The following DTNA variants were observed in gnomAD, a reference collection of about 807,000 sequenced individuals.
DTNA encodes the protein dystrobrevin alpha, also known as dystrophin-related protein 3.
In DTNA, 43 loss-of-function variants were observed where a neutral mutation model predicts 100.7. That is an observed-to-expected ratio of 0.43 (90% confidence interval 0.33 to 0.55). The LOEUF (loss-of-function observed/expected upper bound fraction) is 0.55. Ranked by LOEUF, DTNA falls within the 20% of genes least tolerant of loss-of-function variation. The pLI, the probability that DTNA is intolerant of heterozygous loss-of-function variation, is 0.04. For synonymous variants in DTNA, 349 were observed against 347.9 expected (o/e 1.00, Z -0.04); for missense variants, 798 against 953.9 (o/e 0.84, Z 2.15).
intron 1 of DTNA, among the ~76,000 whole-genome samples, chr18:34,718,518 G>A (rs1429435232): frequency 6.6e-6 from 1 of 152,042 alleles, no homozygotes; most frequent in Non-Finnish European, 1.5e-5. Context: ...AGTATATCCA[G>A]GTTCATTTAT....
rs1219051913 is a variant in DTNA at position 34,811,848 on chromosome 18, A to T, written c.449-111A>T. On this transcript the variant is annotated intron_variant, in intron 5 of 22. Coordinates refer to ENST00000444659, the MANE Select transcript of DTNA (RefSeq NM_001386795.1). Reference sequence around the variant, plus strand: ...AAATTAGCTTTTATATTATTCTTTCATAAAAAATGTTTATTTTGCTACTTT... The same window carrying T: ...AAATTAGCTTTTATATTATTCTTTCTTAAAAAATGTTTATTTTGCTACTTT... 3.2e-6 allele frequency: 4 copies of T among 1,261,502 alleles called. No homozygotes were observed. The African/African-American group carries it at 6.0e-5, about 19-fold the overall frequency. The allele number at this position is 1,261,502 out of a possible 1,614,324, so 78.1% of individuals were successfully genotyped here. A position where few individuals can be genotyped will look rare whatever the true frequency, so the allele number is the denominator to read the frequency against.
intron 3 of DTNA, among the ~76,000 whole-genome samples, chr18:34,771,957 C>CTTTT (rs10655400): frequency 6.7e-6 from 1 of 149,250 alleles, no homozygotes; most frequent in Non-Finnish European, 1.5e-5. Context: ...GTCAGCAGAT[C>CTTTT]TTTTTTTTTT....
chr18:34,622,546 G>A (rs896600617), intron 1 of DTNA, among the ~76,000 whole-genome samples: 1 of 152,194 alleles, frequency 6.6e-6, no homozygotes, highest in African/African-American at 2.4e-5. Context: ...AGATTAACAT[G>A]TGAGCCTGAG....
intron 1 of DTNA, among the ~76,000 whole-genome samples, chr18:34,561,074 T>C (rs976446321): frequency 1.3e-5 from 2 of 152,218 alleles, no homozygotes; most frequent in South Asian, 4.1e-4. Flanking sequence ...ATCTGCACAA[T>C]AAATGTGATC....
At chr18:34,723,838 G>A (rs2085944618) in intron 1 of DTNA, among the ~76,000 whole-genome samples, 1 of 152,040 alleles carries the variant, frequency 6.6e-6, no homozygotes, top group Non-Finnish European at 1.5e-5. Flanking sequence ...GGCAGAGGTT[G>A]CAGTGAGCCA....
Position 34,827,567 on chromosome 18 carries a change from T to G in DTNA, c.1002-26T>G, listed in dbSNP as rs778080554. ...TTGTGACTTTTATTTGTTTTAACTT[T>G]CCATTCACCCTGTGTTTTGTTTTAG... is the stretch of plus-strand genomic sequence containing the variant. On this transcript the variant is annotated intron_variant, in intron 9 of 22. Transcript: ENST00000444659. The G allele has an allele frequency of 3.7e-5, 59 of 1,610,320 alleles. No homozygotes were observed. The Middle Eastern group carries it at 6.6e-4, about 18-fold the overall frequency.
At chr18:34,762,465 A>G (rs1425037091) in intron 2 of DTNA, among the ~76,000 whole-genome samples, 2 of 152,184 alleles carry the variant, frequency 1.3e-5, no homozygotes, top group African/African-American at 2.4e-5. Context: ...GTTTTAATCA[A>G]TGACTCGAAT....
At chr18:34,810,456 C>G (rs2095461792) in intron 5 of DTNA, among the ~76,000 whole-genome samples, 1 of 150,750 alleles carries the variant, frequency 6.6e-6, no homozygotes, top group Admixed American at 6.6e-5. Flanking sequence ...ACTGCATGTT[C>G]TCACTCATAT....
intron 4 of DTNA, among the ~76,000 whole-genome samples, chr18:34,795,388 A>C (rs9944846): frequency 0.025 from 3,858 of 152,320 alleles, 170 homozygotes; most frequent in African/African-American, 0.087. Context: ...CAGTTAAAAT[A>C]AACAATTTTA....
At chr18:34,864,175 T>C (rs954628247) in intron 17 of DTNA, 113 bp downstream of exon 17, 1 of 930,928 alleles carries the variant, frequency 1.1e-6, no homozygotes, top group African/African-American at 1.6e-5. Context: ...TCCCTCAACA[T>C]GTTGTTTCAA....
At chr18:34,569,960 G>A (rs1380802933) in intron 1 of DTNA, among the ~76,000 whole-genome samples, 1 of 151,880 alleles carries the variant, frequency 6.6e-6, no homozygotes, top group African/African-American at 2.4e-5. Context: ...TTTGACCCAT[G>A]GCCCAGCCAA....
chr18:34,888,631 A>C lies in DTNA; in HGVS notation c.*897A>C, dbSNP rs1021097230. The C allele has an allele frequency of 8.1e-6, 8 of 985,736 alleles. No individual in the cohort carries two copies. In the Admixed American group the frequency reaches 2.5e-4, roughly 30 times the overall value. 61.1% of individuals were successfully genotyped at this position (985,736 alleles called of 1,614,324 possible). On this transcript the variant is annotated 3_prime_UTR_variant, in exon 23 of 23. Transcript: ENST00000444659. ...CAGATCTTCTTAAAAACTGTGAACT[A>C]TGTTTTGAAATACTCGTTACTAAAG...
rs185799831 is a variant in DTNA at position 34,887,184 on chromosome 18, A to T, written c.*32-582A>T. Among the ~76,000 whole-genome samples the T allele has an allele frequency of 1.6e-3, 239 of 152,324 alleles. 3 individuals are homozygous for T. Among genetic ancestry groups the T allele is most frequent in the Middle Eastern group, 0.014 (4 of 294 alleles). On this transcript the variant is annotated intron_variant, in intron 22 of 22. Coordinates refer to ENST00000444659, the MANE Select transcript of DTNA (RefSeq NM_001386795.1). ...GTACACACTTTCAACATACAATATT[A>T]AAAAAAGTGAATAGTTTAAAACCTG...
At chr18:34,864,209 A>AGACCAGT (rs1379820282) in intron 17 of DTNA, 147 bp downstream of exon 17, 4 of 658,568 alleles carry the variant, frequency 6.1e-6, no homozygotes, top group Middle Eastern at 4.1e-4. Context: ...ACAATTTGTT[A>AGACCAGT]GACCAGTGTA....
intron 1 of DTNA, among the ~76,000 whole-genome samples, chr18:34,596,903 G>A (rs1378293223): frequency 6.6e-6 from 1 of 152,000 alleles, no homozygotes; most frequent in East Asian, 1.9e-4. Context: ...TGCAGAACGT[G>A]CAGGTTTGTT....
intron 1 of DTNA, among the ~76,000 whole-genome samples, chr18:34,695,584 C>T (rs187176322): frequency 6.6e-6 from 1 of 152,282 alleles, no homozygotes; most frequent in African/African-American, 2.4e-5. Flanking sequence ...GTCACCCAAG[C>T]CTTAATTCTG....
chr18:34,588,686 A>AGTGTGT (rs145242890), intron 1 of DTNA, among the ~76,000 whole-genome samples: 66 of 149,660 alleles, frequency 4.4e-4, no homozygotes, highest in African/African-American at 1.5e-3. Flanking sequence ...TGAATATTAT[A>AGTGTGT]GTGTGTGTGT....
At chr18:34,819,393 A>C (rs1340729187) in intron 8 of DTNA, among the ~76,000 whole-genome samples, 1 of 152,234 alleles carries the variant, frequency 6.6e-6, no homozygotes, top group Non-Finnish European at 1.5e-5. Flanking sequence ...GAACTTGCCA[A>C]TTCCAATGCA....
chr18:34,891,150 A>G lies in DTNA; in HGVS notation c.*3416A>G, dbSNP rs2096962719. ...GACATTTTTAATTATGACTACTGCA[A>G]TTTGACACCATTTGAAATAATCAAT... On this transcript the variant is annotated 3_prime_UTR_variant, in exon 23 of 23. Coordinates refer to ENST00000444659, the MANE Select transcript of DTNA (RefSeq NM_001386795.1). The G allele has an allele frequency of 6.6e-6, 1 of 152,506 alleles. No homozygotes were observed. The allele number at this position is 152,506 out of a possible 1,614,324, so 9.4% of individuals were successfully genotyped here. A position where few individuals can be genotyped will look rare whatever the true frequency, so the allele number is the denominator to read the frequency against.
Sources: gnomAD v4.1 joint callset for allele counts (sites outside exome capture counted in the v4.1 genomes callset) on GRCh38, gnomAD v4.1.1 for gene constraint, MANE v1.5 for transcripts, NCBI Gene and HGNC (gene_info 2026-07-23, HGNC 2026-07-21) for gene names.